Variants in HNF4G observed in about 807,000 individuals in gnomAD.
The protein encoded by HNF4G is hepatocyte nuclear factor 4-gamma.
Under a neutral mutation model 50.9 loss-of-function variants are expected in HNF4G, and 21 were observed. The ratio of observed to expected loss-of-function variants is 0.41; its 90% CI spans 0.29 to 0.59. HNF4G has a LOEUF of 0.59. HNF4G is among the 20% of genes least tolerant of loss of function. The probability of loss-of-function intolerance (pLI) is 0.26; values close to 1 mark genes in which losing one functional copy is unlikely to be tolerated. For synonymous variants in HNF4G, 198 were observed against 185.6 expected, an observed-to-expected ratio of 1.07 and a Z score of -0.54; for missense variants, 527 against 559.4, an observed-to-expected ratio of 0.94 and a Z score of 0.58.
intron 1 of HNF4G, among the ~76,000 whole-genome samples, chr8:75,435,070 GC>G (rs1811105117): frequency 6.6e-6 from 1 of 152,200 alleles, no homozygotes; most frequent in African/African-American, 2.4e-5. Flanking sequence ...ATTTAATGAG[GC>G]TAGTGTAATT....
chr8:75,527,127 G>A (rs1236112696), intron 2 of HNF4G: 6 of 152,044 alleles, frequency 3.9e-5, no homozygotes, highest in Admixed American at 3.3e-4. Context: ...CCTCATTTTT[G>A]TGCTTATTGT....
intron 2 of HNF4G, among the ~76,000 whole-genome samples, chr8:75,505,743 A>C (rs750102560): frequency 1.1e-4 from 17 of 151,950 alleles, no homozygotes; most frequent in Non-Finnish European, 2.5e-4. Context: ...AATTCTTGAC[A>C]CTTTTGTCAT....
chr8:75,548,500 C>T lies in HNF4G; in HGVS notation c.382+819C>T, dbSNP rs148129103. 4.6e-5 allele frequency among the ~76,000 whole-genome samples: 7 copies of T among 152,062 alleles called. No individual in the cohort carries two copies. In the South Asian group the frequency reaches 1.2e-3, roughly 27 times the overall value. ...CCCTTTCAGGAAGCTTGTATTATAT[C>T]GAGGGACCGAGACAAGAGACTAGAT... On this transcript the variant is annotated intron_variant, in intron 3 of 9. Coordinates refer to ENST00000396423, the MANE Select transcript of HNF4G (RefSeq NM_004133.5).
intron 2 of HNF4G, among the ~76,000 whole-genome samples, chr8:75,528,135 A>G (rs549070811): frequency 6.6e-6 from 1 of 152,300 alleles, no homozygotes; most frequent in Admixed American, 6.5e-5. Flanking sequence ...GGGAAAAGTG[A>G]TAATATATGA....
At chr8:75,520,452 C>G (rs1469667771) in intron 2 of HNF4G, among the ~76,000 whole-genome samples, 1 of 148,820 alleles carries the variant, frequency 6.7e-6, no homozygotes, top group Non-Finnish European at 1.5e-5. Flanking sequence ...AATTTTTGTT[C>G]TTTGAGACAG....
At chr8:75,449,435 T>G (rs970311830) in intron 1 of HNF4G, among the ~76,000 whole-genome samples, 1 of 151,970 alleles carries the variant, frequency 6.6e-6, no homozygotes, top group African/African-American at 2.4e-5. Context: ...TCTTGATATA[T>G]GCATACACTG....
intron 1 of HNF4G, among the ~76,000 whole-genome samples, chr8:75,438,614 C>T (rs1165956590): frequency 1.3e-5 from 2 of 151,824 alleles, no homozygotes; most frequent in African/African-American, 2.4e-5. Flanking sequence ...ATACAATTTA[C>T]CTTCATGCAT....
chr8:75,529,802 T>C (rs1485345440), intron 2 of HNF4G, among the ~76,000 whole-genome samples: 3 of 152,190 alleles, frequency 2.0e-5, no homozygotes, highest in Non-Finnish European at 4.4e-5. Context: ...TTTTAAGATT[T>C]TGAATTTGGA....
chr8:75,530,847 C>T (rs1334972681), intron 2 of HNF4G, among the ~76,000 whole-genome samples: 1 of 141,930 alleles, frequency 7.0e-6, no homozygotes, highest in East Asian at 2.1e-4. Context: ...GGCTGGAGTG[C>T]AGTTGTGCGA....
At position 75,539,919 on chromosome 8, in the gene HNF4G, C is replaced by A; in HGVS notation, c.-44C>A. 1.2e-6 allele frequency: 1 copy of A among 862,018 alleles called. No homozygotes were observed. The allele number at this position is 862,018 out of a possible 1,614,324, so 53.4% of individuals were successfully genotyped here. A position where few individuals can be genotyped will look rare whatever the true frequency, so the allele number is the denominator to read the frequency against. ...AAAACACATCAAAACACTCATCACGCACTCTGGGCTTGTGGTGCCACTTGT... is the reference window on the plus strand; with the variant it reads ...AAAACACATCAAAACACTCATCACGAACTCTGGGCTTGTGGTGCCACTTGT... On this transcript the variant is annotated 5_prime_UTR_variant, in exon 1 of 10. Coordinates refer to ENST00000396423, the MANE Select transcript of HNF4G (RefSeq NM_004133.5).
intron 1 of HNF4G, among the ~76,000 whole-genome samples, chr8:75,541,413 T>C (rs1806617772): frequency 6.6e-6 from 1 of 152,134 alleles, no homozygotes. Context: ...CAGTTCTAAC[T>C]TTCATATTGT....
At chr8:75,412,031 T>C (rs1015893106) in intron 1 of HNF4G, among the ~76,000 whole-genome samples, 7 of 152,196 alleles carry the variant, frequency 4.6e-5, no homozygotes, top group African/African-American at 1.7e-4. Flanking sequence ...AAGTTCTTAA[T>C]AGGTGTTACT....
chr8:75,418,026 A>G (rs1810683805), intron 1 of HNF4G, among the ~76,000 whole-genome samples: 1 of 152,140 alleles, frequency 6.6e-6, no homozygotes, highest in Admixed American at 6.5e-5. Context: ...TAGGGCCGCC[A>G]TAACATAATG....
intron 1 of HNF4G, among the ~76,000 whole-genome samples, chr8:75,473,530 G>T (rs1812170004): frequency 6.6e-6 from 1 of 152,160 alleles, no homozygotes; most frequent in South Asian, 2.1e-4. Context: ...GAGTTTAACA[G>T]TTTTGCTAAA....
chr8:75,471,898 TGGAA>T (rs968067520), intron 1 of HNF4G, among the ~76,000 whole-genome samples: 1 of 152,196 alleles, frequency 6.6e-6, no homozygotes, highest in Middle Eastern at 3.2e-3. Context: ...CTTGGGATGA[TGGAA>T]AGAGAACAGA....
chr8:75,537,140 C>T (rs1806486497), upstream of HNF4G, among the ~76,000 whole-genome samples: 1 of 152,084 alleles, frequency 6.6e-6, no homozygotes, highest in Admixed American at 6.6e-5. Flanking sequence ...GATTTGTTAC[C>T]TAGTGTATGA....
intron 1 of HNF4G, among the ~76,000 whole-genome samples, chr8:75,453,011 G>C (rs370934183): frequency 6.6e-6 from 1 of 152,196 alleles, no homozygotes; most frequent in Non-Finnish European, 1.5e-5. Flanking sequence ...AAAAGGTTAA[G>C]TGATTGCTAA....
chr8:75,548,079 G>C (rs1806841246), intron 3 of HNF4G, among the ~76,000 whole-genome samples: 1 of 151,162 alleles, frequency 6.6e-6, no homozygotes, highest in African/African-American at 2.4e-5. Context: ...CAACCTACCA[G>C]GTTCAAGCAA....
At position 75,553,104 on chromosome 8, in the gene HNF4G, T is replaced by G. The variant is rs1427658488; in HGVS notation, c.552T>G (p.Gly184=). The G allele has an allele frequency of 6.2e-7, 1 of 1,612,692 alleles. No individual in the cohort carries two copies. The highest frequency in any genetic ancestry group is 2.2e-5 in the East Asian group (1 of 44,810). ...DINVKKIASI[G]DVCESMKQQL... Reference sequence around the variant, plus strand: ...ACGTTAAGAAAATTGCAAGTATTGGTGATGTCTGTGAATCTATGAAACAGC... The same window carrying G: ...ACGTTAAGAAAATTGCAAGTATTGGGGATGTCTGTGAATCTATGAAACAGC... The change falls in exon 5 of 10, where the codon GGT becomes GGG. Residue 184 remains glycine (G), a synonymous_variant. Transcript: ENST00000396423.
Sources: allele counts gnomAD v4.1 joint callset (sites outside exome capture counted in the v4.1 genomes callset), GRCh38; gene constraint gnomAD v4.1.1; transcripts MANE v1.5; gene names NCBI Gene and HGNC (gene_info 2026-07-23, HGNC 2026-07-21).